Variants in ADD1 observed in about 807,000 individuals in gnomAD.
ADD1 encodes the protein adducin 1.
ADD1 carries 24 observed loss-of-function variants against 80.5 expected under a neutral mutation model. That is an observed-to-expected ratio of 0.30 (90% CI 0.22 to 0.42). The LOEUF is 0.42. ADD1 is among the 10% of genes least tolerant of loss of function. The probability of loss-of-function intolerance (pLI) is 1.00; values close to 1 mark genes in which losing one functional copy is unlikely to be tolerated. For missense variants in ADD1, 948 were observed against 1,019.0 expected (o/e 0.93, Z 0.95); for synonymous variants, 373 against 393.8 (o/e 0.95, Z 0.63).
intron 14 of ADD1, among the ~76,000 whole-genome samples, chr4:2,923,419 G>T (rs1740414056): frequency 6.6e-6 from 1 of 152,210 alleles, no homozygotes; most frequent in African/African-American, 2.4e-5. Context: ...GCACTTCCTG[G>T]GTGAGGCAAC....
chr4:2,911,265 T>G (rs760304752), intron 13 of ADD1, among the ~76,000 whole-genome samples: 1 of 152,066 alleles, frequency 6.6e-6, no homozygotes, highest in African/African-American at 2.4e-5. Flanking sequence ...GAAAGGACTT[T>G]CCTTTGCCTT....
chr4:2,924,375 T>C (rs1241861258), intron 14 of ADD1, among the ~76,000 whole-genome samples: 1 of 152,196 alleles, frequency 6.6e-6, no homozygotes, highest in Non-Finnish European at 1.5e-5. Context: ...TCCACTAGGC[T>C]CTGAGCAGCC....
At chr4:2,893,908 C>CA in intron 4 of ADD1, 105 bp from the exon 5 acceptor site, 1 of 1,017,224 alleles carries the variant, frequency 9.8e-7, no homozygotes, top group Non-Finnish European at 1.5e-6. Flanking sequence ...CGCTTCCCTG[C>CA]ATAGCTCACT....
At chr4:2,921,162 C>G (rs1739967460) in intron 14 of ADD1, among the ~76,000 whole-genome samples, 2 of 152,082 alleles carry the variant, frequency 1.3e-5, no homozygotes, top group African/African-American at 4.8e-5. Context: ...GAGTCTTGCT[C>G]TGTCACCCAG....
At chr4:2,852,576 C>A (rs1195167660) in intron 1 of ADD1, among the ~76,000 whole-genome samples, 1 of 151,790 alleles carries the variant, frequency 6.6e-6, no homozygotes, top group Non-Finnish European at 1.5e-5. Flanking sequence ...GGGACTGAAG[C>A]ACACATACTT....
intron 9 of ADD1, 61 bp from the exon 10 acceptor site, chr4:2,904,703 A>G: frequency 2.0e-6 from 3 of 1,489,034 alleles, no homozygotes; most frequent in African/African-American, 1.4e-5. Context: ...TGATTTTCCA[A>G]AGTGAAACCC....
intron 1 of ADD1, among the ~76,000 whole-genome samples, chr4:2,870,565 A>T (rs1245267114): frequency 6.6e-6 from 1 of 152,214 alleles, no homozygotes; most frequent in Non-Finnish European, 1.5e-5. Context: ...TCCAGCTAGC[A>T]AGAATTTGTA....
At chr4:2,925,982 G>A (rs764691823) in intron 14 of ADD1, 32 bp from the exon 15 acceptor site, 19 of 1,602,168 alleles carry the variant, frequency 1.2e-5, no homozygotes, top group Non-Finnish European at 1.5e-5. Context: ...GGCGTCCACA[G>A]CTCCTACCAT....
At chr4:2,883,736 AT>A (rs1224596289) in intron 3 of ADD1, among the ~76,000 whole-genome samples, 3 of 150,492 alleles carry the variant, frequency 2.0e-5, no homozygotes, top group Non-Finnish European at 3.0e-5. Flanking sequence ...CAGTGGCGTG[AT>A]CTTGGCTCAC....
intron 1 of ADD1, among the ~76,000 whole-genome samples, chr4:2,868,399 TC>T (rs1238435161): frequency 1.3e-5 from 2 of 152,230 alleles, no homozygotes; most frequent in Non-Finnish European, 2.9e-5. Context: ...GCTGCACTGT[TC>T]CCAGCCCTCT....
chr4:2,905,506 A>C (rs1030147292), intron 10 of ADD1: 1 of 189,444 alleles, frequency 5.3e-6, no homozygotes, highest in East Asian at 1.3e-4. Flanking sequence ...CAGTGGTTTC[A>C]AGTCACTAAA....
At chr4:2,887,117 G>A (rs114684292) in intron 4 of ADD1, among the ~76,000 whole-genome samples, 314 of 152,294 alleles carry the variant, frequency 2.1e-3, no homozygotes, top group African/African-American at 6.9e-3. Context: ...GCTTAATACC[G>A]AGTAAAAAGA....
chr4:2,908,506 C>T lies in ADD1; in HGVS notation c.1609-9C>T. The T allele has an allele frequency of 6.2e-7, 1 of 1,613,508 alleles. No individual in the cohort carries two copies. Among genetic ancestry groups the T allele is most frequent in the Non-Finnish European group, 8.5e-7 (1 of 1,179,422 alleles). ...ACTGTTGATGTGTGCCTCTCCTTCC[C>T]ACCCTCAGATCCGAGAGCAGAATTT... On this transcript the variant is annotated splice_polypyrimidine_tract_variant and intron_variant, in intron 11 of 15. Transcript: ENST00000683351.
chr4:2,843,862 C>T lies in ADD1; in HGVS notation c.-183C>T, dbSNP rs1725751089. The T allele has an allele frequency of 6.6e-6, 1 of 152,470 alleles. No homozygotes were observed. The highest frequency in any genetic ancestry group is 1.9e-4 in the East Asian group (1 of 5,200). 9.4% of individuals were successfully genotyped at this position (152,470 alleles called of 1,614,324 possible). On this transcript the variant is annotated 5_prime_UTR_variant, in exon 1 of 16. Coordinates refer to ENST00000683351, the MANE Select transcript of ADD1 (RefSeq NM_001354761.2). ...GGGCTGCAGCGCCGCAGGCCGCACC[C>T]AGGTCGGGCGGTGGGGGCGAGCGGA...
At chr4:2,923,057 A>C (rs989725674) in intron 14 of ADD1, among the ~76,000 whole-genome samples, 4 of 152,204 alleles carry the variant, frequency 2.6e-5, no homozygotes, top group African/African-American at 9.6e-5. Flanking sequence ...AAGCCAGTGG[A>C]TCTTAGCTTG....
At chr4:2,921,556 G>T (rs896645206) in intron 14 of ADD1, among the ~76,000 whole-genome samples, 1 of 152,144 alleles carries the variant, frequency 6.6e-6, no homozygotes, top group African/African-American at 2.4e-5. Flanking sequence ...TTTCTCTCTG[G>T]CTGCCCTTAA....
chr4:2,874,378 G>T (rs1168692711), intron 1 of ADD1, among the ~76,000 whole-genome samples: 2 of 152,142 alleles, frequency 1.3e-5, no homozygotes, highest in African/African-American at 4.8e-5. Flanking sequence ...AGGCCTAGGC[G>T]GGCGGATCAC....
In ADD1 at chr4:2,926,087, C is replaced by G; in HGVS notation, c.2022C>G (p.Pro674=). The G allele has an allele frequency of 6.2e-7, 1 of 1,614,160 alleles. No individual in the cohort carries two copies. The highest frequency in any genetic ancestry group is 8.5e-7 in the Non-Finnish European group (1 of 1,180,012). The change falls in exon 15 of 16, where the codon CCC becomes CCG. Residue 674 remains proline, a synonymous_variant. Coordinates refer to ENST00000683351, the MANE Select transcript of ADD1 (RefSeq NM_001354761.2). The surrounding 1 kb of genome is among the most constrained non-coding windows in gnomAD (Gnocchi z 5.0). The part of the protein sequence containing the change: ...PDQPAVPHPP[P]STPIKLEEDL... ...AGCCTGCGGTCCCCCACCCGCCTCC[C>G]AGCACTCCCATCAAGCTGGAGGAAG...
chr4:2,854,151 A>C (rs1226498023), intron 1 of ADD1, among the ~76,000 whole-genome samples: 1 of 152,060 alleles, frequency 6.6e-6, no homozygotes, highest in Non-Finnish European at 1.5e-5. Context: ...GTGAAACCCC[A>C]TCTGTACTAA....
Sources: gnomAD v4.1 joint callset for allele counts (sites outside exome capture counted in the v4.1 genomes callset) on GRCh38, gnomAD v4.1.1 for gene constraint, Gnocchi (gnomAD v3.1) non-coding constraint, MANE v1.5 for transcripts, NCBI Gene and HGNC (gene_info 2026-07-23, HGNC 2026-07-21) for gene names.